ARSB: variants seen among roughly 807,000 people sequenced by gnomAD.
ARSB encodes arylsulfatase B.
ARSB carries 41 observed loss-of-function variants against 50.9 expected under a neutral mutation model. The ratio of observed to expected loss-of-function variants is 0.81; its 90% CI spans 0.63 to 1.04. The LOEUF is 1.04. Among genes scored for constraint, ARSB ranks in the 50% least tolerant of loss-of-function variants. ARSB has a pLI of 0.00. For synonymous variants in ARSB, 269 were observed against 284.8 expected (o/e 0.94, Z 0.56); for missense variants, 672 against 693.3 (o/e 0.97, Z 0.35).
At position 78,777,250 on chromosome 5, in the gene ARSB, C is replaced by T. The variant is rs1425606069; in HGVS notation, c.*3147G>A. 1 of 152,088 alleles carries T rather than the reference C, an allele frequency of 6.6e-6. No individual in the cohort carries two copies. Among genetic ancestry groups the T allele is most frequent in the East Asian group, 1.9e-4 (1 of 5,202 alleles). 9.4% of individuals were successfully genotyped at this position (152,088 alleles called of 1,614,324 possible). A position where few individuals can be genotyped will look rare whatever the true frequency, so the allele number is the denominator to read the frequency against. Reference sequence around the variant, plus strand: ...ATTTTTACTATATTTATTTATTTAACAGCTTTACTGAGATATAATTTATGT... The same window carrying T: ...ATTTTTACTATATTTATTTATTTAATAGCTTTACTGAGATATAATTTATGT... On this transcript the variant is annotated 3_prime_UTR_variant, in exon 8 of 8. Coordinates refer to ENST00000264914, the MANE Select transcript of ARSB (RefSeq NM_000046.5).
intron 4 of ARSB, among the ~76,000 whole-genome samples, chr5:78,933,648 G>T (rs1179411488): frequency 6.6e-6 from 1 of 152,142 alleles, no homozygotes; most frequent in Non-Finnish European, 1.5e-5. Flanking sequence ...CCTAGGAAAA[G>T]AACTAGTAGA....
At chr5:78,955,242 A>G in intron 4 of ARSB, 53 bp downstream of exon 4, 1 of 1,583,922 alleles carries the variant, frequency 6.3e-7, no homozygotes, top group Non-Finnish European at 8.7e-7. Context: ...CCACTTATCA[A>G]ATACCATGTC....
At chr5:78,979,438 A>T (rs1752803247) in intron 1 of ARSB, among the ~76,000 whole-genome samples, 1 of 152,236 alleles carries the variant, frequency 6.6e-6, no homozygotes, top group Non-Finnish European at 1.5e-5. Context: ...CAATTCCTCA[A>T]AGAGTTAAAC....
At chr5:78,834,136 G>A (rs191914276) in intron 6 of ARSB, among the ~76,000 whole-genome samples, 136 of 152,178 alleles carry the variant, frequency 8.9e-4, no homozygotes, top group Non-Finnish European at 1.1e-3. Flanking sequence ...TCTGTGCTAC[G>A]GAGACCTTAC....
At chr5:78,893,261 C>CT (rs1478036875) in intron 4 of ARSB, among the ~76,000 whole-genome samples, 3 of 152,090 alleles carry the variant, frequency 2.0e-5, no homozygotes, top group Non-Finnish European at 4.4e-5. Context: ...TCCATTAAAC[C>CT]TTTTTCTTTA....
At chr5:78,815,358 G>A (rs1476806722) in intron 6 of ARSB, among the ~76,000 whole-genome samples, 1 of 150,504 alleles carries the variant, frequency 6.6e-6, no homozygotes, top group East Asian at 2.0e-4. Flanking sequence ...CTATGAGACT[G>A]ACTGCTTTTC....
In ARSB at chr5:78,985,122, G is replaced by C; in HGVS notation, c.127C>G (p.Arg43Gly). 4 of 1,482,816 alleles carry C rather than the reference G, an allele frequency of 2.7e-6. No homozygotes were observed. Among genetic ancestry groups the C allele is most frequent in the Non-Finnish European group, 3.6e-6 (4 of 1,114,864 alleles). The allele number at this position is 1,482,816 out of a possible 1,614,324, so 91.9% of individuals were successfully genotyped here. A position where few individuals can be genotyped will look rare whatever the true frequency, so the allele number is the denominator to read the frequency against. The change falls in exon 1 of 8, where the codon CGG (arginine) becomes GGG (glycine). Residue 43 changes from arginine to glycine, a missense_variant. By Grantham distance (125) the Arg-to-Gly change is moderately radical. Coordinates refer to ENST00000264914, the MANE Select transcript of ARSB (RefSeq NM_000046.5). ...AGCAAGAAGACCAGGTGGGGCGGCC[G>C]GCTGGCCCCGGCGCCCGAGCCCGGC... ...APPGSGAGASRPPHLVFLLAD... is the reference protein window; with the variant it reads ...APPGSGAGASGPPHLVFLLAD...
chr5:78,860,758 C>A (rs13172903), intron 5 of ARSB, among the ~76,000 whole-genome samples: 35,188 of 152,132 alleles, frequency 0.23, 5,006 homozygotes, highest in African/African-American at 0.39. Flanking sequence ...AAATAACTAA[C>A]AGCAGAGCAG....
intron 4 of ARSB, among the ~76,000 whole-genome samples, chr5:78,934,902 A>C (rs114476564): frequency 0.011 from 1,612 of 152,258 alleles, 29 homozygotes; most frequent in African/African-American, 0.036. Context: ...ATTAAAATTA[A>C]ATAATAATAC....
At chr5:78,937,362 G>GAT (rs201318402) in intron 4 of ARSB, among the ~76,000 whole-genome samples, 1 of 55,438 alleles carries the variant, frequency 1.8e-5, no homozygotes, top group South Asian at 5.2e-4. Flanking sequence ...ATATATGTAA[G>GAT]ATATATATAT....
At chr5:78,914,007 G>C (rs1749430236) in intron 4 of ARSB, among the ~76,000 whole-genome samples, 1 of 148,400 alleles carries the variant, frequency 6.7e-6, no homozygotes. Context: ...TTATCACCCA[G>C]GCAGGAGTGC....
intron 4 of ARSB, among the ~76,000 whole-genome samples, chr5:78,903,200 C>T (rs959266012): frequency 3.3e-5 from 5 of 152,132 alleles, no homozygotes; most frequent in Admixed American, 3.3e-4. Context: ...GGGGAGATCT[C>T]ATTGCAAGTA....
chr5:78,873,495 G>T (rs1388607890), intron 5 of ARSB, among the ~76,000 whole-genome samples: 5 of 36,096 alleles, frequency 1.4e-4, no homozygotes, highest in East Asian at 1.0e-3. Flanking sequence ...ATTTAAAACT[G>T]TAATTTTTTT....
intron 5 of ARSB, among the ~76,000 whole-genome samples, chr5:78,866,810 C>G (rs1163554258): frequency 6.6e-6 from 1 of 151,860 alleles, no homozygotes; most frequent in African/African-American, 2.4e-5. Context: ...AAGAAAGGGG[C>G]TGAGCCAAGA....
At chr5:78,937,372 TGTAA>T (rs1485527246) in intron 4 of ARSB, among the ~76,000 whole-genome samples, 1 of 86,138 alleles carries the variant, frequency 1.2e-5, no homozygotes, top group African/African-American at 5.0e-5. Flanking sequence ...GATATATATA[TGTAA>T]GATATATATA....
chr5:78,962,584 G>A (rs982014685), intron 3 of ARSB, among the ~76,000 whole-genome samples: 2 of 141,542 alleles, frequency 1.4e-5, no homozygotes, highest in African/African-American at 5.3e-5. Context: ...CTGGAGTGTA[G>A]TGGTGCGATC....
intron 6 of ARSB, among the ~76,000 whole-genome samples, chr5:78,799,238 G>A (rs7701898): frequency 0.024 from 3,684 of 152,242 alleles, 149 homozygotes; most frequent in African/African-American, 0.084. Context: ...GAGGGCACCC[G>A]CCTCAAGTGC....
intron 4 of ARSB, among the ~76,000 whole-genome samples, chr5:78,887,871 A>G (rs34215850): frequency 1.5e-3 from 232 of 152,254 alleles, no homozygotes; most frequent in Non-Finnish European, 2.7e-3. Flanking sequence ...AGTACGGTCA[A>G]CCTCAGCAAA....
chr5:78,844,775 A>G (rs1745372059), intron 5 of ARSB, among the ~76,000 whole-genome samples: 1 of 152,064 alleles, frequency 6.6e-6, no homozygotes, highest in African/African-American at 2.4e-5. Flanking sequence ...ATAAATATAC[A>G]TATTTATGGG....
Sources: allele counts gnomAD v4.1 joint callset (sites outside exome capture counted in the v4.1 genomes callset), GRCh38; gene constraint gnomAD v4.1.1; transcripts MANE v1.5; gene names NCBI Gene and HGNC (gene_info 2026-07-23, HGNC 2026-07-21).